Variants in ITPRID1 observed in about 807,000 individuals in gnomAD.
ITPRID1 encodes ITPR interacting domain containing 1.
In ITPRID1, 96 loss-of-function variants were observed where a neutral mutation model predicts 95.4. That is an observed-to-expected ratio of 1.01 (90% CI 0.85 to 1.19). The LOEUF is 1.19. Among genes scored for constraint, ITPRID1 ranks in the 50% most tolerant of loss-of-function variants. The pLI is 0.00. For synonymous variants in ITPRID1, 510 were observed against 453.6 expected, an observed-to-expected ratio of 1.12 and a Z score of -1.58; for missense variants, 1,339 against 1,252.9, an observed-to-expected ratio of 1.07 and a Z score of -1.04.
intron 10 of ITPRID1, among the ~76,000 whole-genome samples, chr7:31,629,667 C>T (rs958472723): frequency 6.6e-6 from 1 of 152,160 alleles, no homozygotes; most frequent in Non-Finnish European, 1.5e-5. Flanking sequence ...TCCTTGCTCA[C>T]TCACCTCTCA....
rs1425316383 is a variant in ITPRID1, at chr7:31,577,861, A to G, written c.599-2A>G. Reference sequence around the variant, plus strand: ...AACTTTCGTGTTTCTTGTGTTGTGCAGGTCGTTTCCGACAGCTGGAAATCC... The same window carrying G: ...AACTTTCGTGTTTCTTGTGTTGTGCGGGTCGTTTCCGACAGCTGGAAATCC... On this transcript the variant is annotated splice_acceptor_variant, in intron 8 of 14. Coordinates refer to ENST00000615280, the MANE Select transcript of ITPRID1 (RefSeq NM_001257967.3). LOFTEE classifies it high-confidence loss of function. 2 of 1,582,048 alleles carry G rather than the reference A, an allele frequency of 1.3e-6. No homozygotes were observed. Among genetic ancestry groups the G allele is most frequent in the African/African-American group, 1.4e-5 (1 of 73,880 alleles).
intron 1 of ITPRID1, among the ~76,000 whole-genome samples, chr7:31,524,371 T>A (rs1325738338): frequency 2.0e-5 from 3 of 152,220 alleles, no homozygotes; most frequent in Non-Finnish European, 4.4e-5. Flanking sequence ...TTAGAAAACT[T>A]TCCCCCAAAC....
In ITPRID1 at chr7:31,554,738, A is replaced by G. The variant is rs1428016067; in HGVS notation, c.213-120A>G. On this transcript the variant is annotated intron_variant, in intron 4 of 14. Coordinates refer to ENST00000615280, the MANE Select transcript of ITPRID1 (RefSeq NM_001257967.3). ...GTCCCTGACTGTTTATTGGTTTCTAAAAGTCCTCTCTTACTAAAACCTAAC... is the reference window on the plus strand; with the variant it reads ...GTCCCTGACTGTTTATTGGTTTCTAGAAGTCCTCTCTTACTAAAACCTAAC... 5 of 1,040,934 alleles carry G rather than the reference A, an allele frequency of 4.8e-6. No individual in the cohort carries two copies. The African/African-American group carries it at 8.0e-5, about 17-fold the overall frequency. The allele number at this position is 1,040,934 out of a possible 1,614,324, so 64.5% of individuals were successfully genotyped here.
chr7:31,642,154 C>T (rs1790077165), intron 10 of ITPRID1, 22 bp from the exon 11 acceptor site: 4 of 1,540,916 alleles, frequency 2.6e-6, no homozygotes. Flanking sequence ...TTAATAACCT[C>T]AAGACCTCTT....
In ITPRID1 at chr7:31,642,167, A is replaced by C. The variant is rs1175965555; in HGVS notation, c.1229-9A>C. The C allele has an allele frequency of 3.9e-6, 6 of 1,553,860 alleles. No individual in the cohort carries two copies. In the Admixed American group the frequency reaches 1.2e-4, roughly 30 times the overall value. ...CTTTAATAACCTCAAGACCTCTTTC[A>C]TTCTGCAGGTGCCAGGGTGGACAGA... On this transcript the variant is annotated splice_polypyrimidine_tract_variant and intron_variant, in intron 10 of 14. Transcript: ENST00000615280.
At chr7:31,574,782 G>C (rs1276344743) in intron 8 of ITPRID1, 40 bp downstream of exon 8, 1 of 1,586,102 alleles carries the variant, frequency 6.3e-7, no homozygotes, top group Non-Finnish European at 8.6e-7. Context: ...TCAGCATTGG[G>C]AATGAGTGGG....
At chr7:31,647,100 A>G (rs1790534919) in intron 12 of ITPRID1, among the ~76,000 whole-genome samples, 2 of 152,244 alleles carry the variant, frequency 1.3e-5, no homozygotes, top group Admixed American at 6.5e-5. Flanking sequence ...ATGTGCTGGA[A>G]AGCAAGTGGA....
At chr7:31,606,563 G>C (rs1786634954) in intron 10 of ITPRID1, among the ~76,000 whole-genome samples, 2 of 152,168 alleles carry the variant, frequency 1.3e-5, no homozygotes, top group Admixed American at 1.3e-4. Context: ...AAGATATGTA[G>C]TCCAGTACCA....
rs371691830 is a variant in ITPRID1 at position 31,554,534 on chromosome 7, T to G, written c.212+11T>G. On this transcript the variant is annotated intron_variant, in intron 4 of 14. Coordinates refer to ENST00000615280, the MANE Select transcript of ITPRID1 (RefSeq NM_001257967.3). ...GGACTCTGGATTCTTGTAAGTGTTT[T>G]TGTGTGTGTGTGCCTTACATGTTTC... 145 of 1,605,116 alleles carry G rather than the reference T, an allele frequency of 9.0e-5. No individual in the cohort carries two copies. In the Middle Eastern group the frequency reaches 1.3e-3, roughly 15 times the overall value.
chr7:31,515,299 A>G (rs1021128639), intron 1 of ITPRID1, among the ~76,000 whole-genome samples: 1 of 150,650 alleles, frequency 6.6e-6, no homozygotes, highest in African/African-American at 2.4e-5. Flanking sequence ...AAAAAAAAAG[A>G]AAAAACAGAG....
intron 10 of ITPRID1, among the ~76,000 whole-genome samples, chr7:31,620,796 A>T (rs114037369): frequency 1.0e-3 from 156 of 152,342 alleles, no homozygotes; most frequent in Non-Finnish European, 1.8e-3. Context: ...AAGACATCAG[A>T]CGATCAAACT....
At chr7:31,567,408 G>T (rs1332420404) in intron 5 of ITPRID1, among the ~76,000 whole-genome samples, 8 of 152,124 alleles carry the variant, frequency 5.3e-5, no homozygotes. Context: ...AATCTTATGT[G>T]ATAATTCCAA....
chr7:31,555,078 G>A, intron 5 of ITPRID1, 177 bp downstream of exon 5: 6 of 568,282 alleles, frequency 1.1e-5, no homozygotes. Context: ...AAAATGATAG[G>A]TGCTTCCCCA....
chr7:31,651,834 C>A, intron 13 of ITPRID1, 105 bp from the exon 14 acceptor site: 3 of 708,174 alleles, frequency 4.2e-6, no homozygotes, highest in Non-Finnish European at 7.1e-6. Context: ...ATGACATTCT[C>A]TTTTAAGAAA....
At chr7:31,538,042 G>A (rs1783816701) in intron 1 of ITPRID1, among the ~76,000 whole-genome samples, 1 of 152,202 alleles carries the variant, frequency 6.6e-6, no homozygotes. Context: ...TGATGGCCAT[G>A]TAGGTCTTTT....
At chr7:31,516,906 G>A (rs1783060005) in intron 1 of ITPRID1, among the ~76,000 whole-genome samples, 1 of 152,198 alleles carries the variant, frequency 6.6e-6, no homozygotes, top group African/African-American at 2.4e-5. Context: ...GGTGTGTCCA[G>A]AGTTTGTCCC....
chr7:31,584,634 A>G (rs1785522583), intron 10 of ITPRID1, among the ~76,000 whole-genome samples: 1 of 152,252 alleles, frequency 6.6e-6, no homozygotes, highest in Non-Finnish European at 1.5e-5. Context: ...CCTAATGGAT[A>G]AAATCTGACT....
In ITPRID1 at chr7:31,652,713, C is replaced by A. The variant is rs201005039; in HGVS notation, c.3019C>A (p.Pro1007Thr). ...GGTQLAAFTP[P>T]TLENSTRMSP... is the part of the protein sequence containing the mutation. The stretch of plus-strand genomic sequence containing the variant: ...GACCCAGTTGGCTGCCTTCACTCCA[C>A]CCACCTTGGAGAACAGCACCAGGAT... Residue 1007 changes from proline (P) to threonine (T), a missense_variant, in exon 15 of 15, where the codon CCC (proline) becomes ACC (threonine). Transcript: ENST00000615280. The A allele has an allele frequency of 1.2e-6, 2 of 1,613,956 alleles. No individual in the cohort carries two copies. Among genetic ancestry groups the A allele is most frequent in the Non-Finnish European group, 1.7e-6 (2 of 1,179,876 alleles).
intron 10 of ITPRID1, among the ~76,000 whole-genome samples, chr7:31,628,337 T>C (rs1009806139): frequency 6.6e-6 from 1 of 151,858 alleles, no homozygotes; most frequent in Non-Finnish European, 1.5e-5. Flanking sequence ...AAATAGAGAA[T>C]AGCCAACAAA....
Sources: gnomAD v4.1 joint callset for allele counts (sites outside exome capture counted in the v4.1 genomes callset) on GRCh38, gnomAD v4.1.1 for gene constraint, MANE v1.5 for transcripts, NCBI Gene and HGNC (gene_info 2026-07-23, HGNC 2026-07-21) for gene names.